Variants in GRM7 observed in about 807,000 individuals in gnomAD.
GRM7 encodes the protein metabotropic glutamate receptor 7.
GRM7 carries 35 observed loss-of-function variants against 84.5 expected under a neutral mutation model. The ratio of observed to expected loss-of-function variants is 0.41; its 90% confidence interval spans 0.32 to 0.55. GRM7 has a LOEUF of 0.55. GRM7 is among the 20% of genes least tolerant of loss of function. The pLI, the probability that GRM7 is intolerant of heterozygous loss-of-function variation, is 0.19. For missense variants in GRM7, 1,003 were observed against 1,194.6 expected (o/e 0.84, Z 2.36); for synonymous variants, 487 against 455.1 (o/e 1.07, Z -0.89).
At chr3:7,329,680 C>T (rs959654599) in intron 4 of GRM7, among the ~76,000 whole-genome samples, 9 of 151,904 alleles carry the variant, frequency 5.9e-5, no homozygotes, top group Admixed American at 5.9e-4. Flanking sequence ...AAAAGTATAC[C>T]TGGTGTGTCT....
At chr3:7,527,491 T>A (rs1220238820) in intron 7 of GRM7, among the ~76,000 whole-genome samples, 1 of 152,114 alleles carries the variant, frequency 6.6e-6, no homozygotes, top group Non-Finnish European at 1.5e-5. Flanking sequence ...TTTGCTTTCC[T>A]CTTTTCCTGT....
intron 2 of GRM7, among the ~76,000 whole-genome samples, chr3:7,159,680 T>C (rs1694563307): frequency 6.6e-6 from 1 of 152,160 alleles, no homozygotes; most frequent in South Asian, 2.1e-4. Flanking sequence ...AAATACTAGC[T>C]CTACTCACAT....
At chr3:7,150,737 A>G (rs925100021) in intron 2 of GRM7, among the ~76,000 whole-genome samples, 1 of 152,206 alleles carries the variant, frequency 6.6e-6, no homozygotes, top group Non-Finnish European at 1.5e-5. Flanking sequence ...ATGTGCTTTA[A>G]AATTCAGGTC....
intron 1 of GRM7, among the ~76,000 whole-genome samples, chr3:6,940,860 TGA>T: frequency 6.6e-6 from 1 of 152,342 alleles, no homozygotes; most frequent in South Asian, 2.1e-4. Context: ...CCCTGCAATA[TGA>T]GTTTTCCTAG....
chr3:6,939,661 C>T (rs111635457), intron 1 of GRM7, among the ~76,000 whole-genome samples: 3,824 of 152,240 alleles, frequency 0.025, 67 homozygotes, highest in Non-Finnish European at 0.036. Flanking sequence ...GGGATTGCTG[C>T]CCTAAAGCCT....
intron 4 of GRM7, among the ~76,000 whole-genome samples, chr3:7,334,085 T>C (rs543848079): frequency 1.3e-5 from 2 of 152,178 alleles, no homozygotes; most frequent in East Asian, 1.9e-4. Context: ...GAGCTAGACA[T>C]CCAAATACAA....
At chr3:7,256,619 A>ACACACACACACATG (rs36206985) in intron 2 of GRM7, among the ~76,000 whole-genome samples, 2 of 151,870 alleles carry the variant, frequency 1.3e-5, no homozygotes, top group African/African-American at 2.4e-5. Flanking sequence ...CTACCTATGC[A>ACACACACACACATG]CACACACACA....
chr3:6,869,024 A>G (rs779108251), intron 1 of GRM7, among the ~76,000 whole-genome samples: 1 of 152,114 alleles, frequency 6.6e-6, no homozygotes, highest in African/African-American at 2.4e-5. Context: ...AAATAAAAAT[A>G]TTTCCATTTT....
At chr3:7,607,109 G>T (rs1033936250) in intron 8 of GRM7, 1 of 152,126 alleles carries the variant, frequency 6.6e-6, no homozygotes, top group African/African-American at 2.4e-5. Context: ...TGTGTCTGTG[G>T]TTCTGCTCTT....
chr3:7,731,031 T>C (rs999427467), intron 9 of GRM7, among the ~76,000 whole-genome samples: 1 of 152,106 alleles, frequency 6.6e-6, no homozygotes, highest in Non-Finnish European at 1.5e-5. Flanking sequence ...AAGAACGACG[T>C]AAACCTCTGT....
At chr3:7,490,466 G>C (rs1444678215) in intron 7 of GRM7, among the ~76,000 whole-genome samples, 1 of 152,118 alleles carries the variant, frequency 6.6e-6, no homozygotes, top group Non-Finnish European at 1.5e-5. Context: ...TTCTCCATGT[G>C]ATATTCTCTA....
At chr3:7,296,365 A>G (rs946013594) in intron 2 of GRM7, among the ~76,000 whole-genome samples, 7 of 152,062 alleles carry the variant, frequency 4.6e-5, no homozygotes, top group African/African-American at 1.4e-4. Flanking sequence ...GTTTGGTAAT[A>G]TCTTTTCCTG....
chr3:7,609,054 A>G (rs1236944263), intron 8 of GRM7, among the ~76,000 whole-genome samples: 3 of 152,084 alleles, frequency 2.0e-5, no homozygotes, highest in Non-Finnish European at 4.4e-5. Context: ...TGGGCTCTCT[A>G]TTCTGTTTCA....
At chr3:7,616,566 C>CTCAAGTGTTTGTTCATTCACTAGTGAA (rs1697089522) in intron 8 of GRM7, among the ~76,000 whole-genome samples, 1 of 152,134 alleles carries the variant, frequency 6.6e-6, no homozygotes, top group Non-Finnish European at 1.5e-5. Flanking sequence ...TGCTACAACC[C>CTCAAGTGTTTGTTCATTCACTAGTGAA]TCAAGTGTTT....
intron 2 of GRM7, among the ~76,000 whole-genome samples, chr3:7,184,160 T>C (rs1695436599): frequency 6.6e-6 from 1 of 152,162 alleles, no homozygotes; most frequent in Non-Finnish European, 1.5e-5. Context: ...AGAGCTATTT[T>C]ATTAGGTACA....
intron 4 of GRM7, among the ~76,000 whole-genome samples, chr3:7,371,270 A>G (rs1278086175): frequency 1.3e-5 from 2 of 152,200 alleles, no homozygotes; most frequent in African/African-American, 4.8e-5. Context: ...TTCTGAAGTT[A>G]GCTGGCCATG....
intron 5 of GRM7, among the ~76,000 whole-genome samples, chr3:7,429,550 G>C (rs1231608392): frequency 6.6e-6 from 1 of 152,004 alleles, no homozygotes; most frequent in African/African-American, 2.4e-5. Context: ...TCTTCAAATT[G>C]TTTTTAATAC....
At chr3:7,713,952 T>C (rs1701687681) in intron 9 of GRM7, among the ~76,000 whole-genome samples, 1 of 152,084 alleles carries the variant, frequency 6.6e-6, no homozygotes, top group Non-Finnish European at 1.5e-5. Context: ...CCGCAGAGTC[T>C]CTTCTTTACT....
At position 6,956,571 on chromosome 3, in the gene GRM7, A is replaced by C. The variant is rs535919212; in HGVS notation, c.519+94664A>C. 7 of 456,616 alleles carry C rather than the reference A, an allele frequency of 1.5e-5. No homozygotes were observed. In the East Asian group the frequency reaches 2.8e-4, roughly 18 times the overall value. The allele number at this position is 456,616 out of a possible 1,614,324, so 28.3% of individuals were successfully genotyped here. On this transcript the variant is annotated intron_variant, in intron 1 of 9. Coordinates refer to ENST00000357716, the MANE Select transcript of GRM7 (RefSeq NM_000844.4). ...CTCTCTCTTCTGTTCTCCTAGGGAG[A>C]TGCCCTTCTATCCTGTCTCAGTTTC...
Sources: allele counts gnomAD v4.1 joint callset (sites outside exome capture counted in the v4.1 genomes callset), GRCh38; gene constraint gnomAD v4.1.1; transcripts MANE v1.5; gene names NCBI Gene and HGNC (gene_info 2026-07-23, HGNC 2026-07-21).